The following SYNE1 variants were observed in gnomAD, a reference collection of about 807,000 sequenced individuals.
SYNE1 encodes the protein nesprin-1.
A neutral mutation model predicts 1,111.0 loss-of-function variants in SYNE1; 616 were observed. The observed-to-expected ratio is 0.55, with a 90% CI of 0.52 to 0.59. The LOEUF (loss-of-function observed/expected upper bound fraction) is 0.59, where lower values mean the gene tolerates loss of function less well. SYNE1 is among the 20% of genes least tolerant of loss of function. The probability of loss-of-function intolerance (pLI) is 0.00; values close to 1 mark genes in which losing one functional copy is unlikely to be tolerated. For missense variants in SYNE1, 10,006 were observed against 10,417.0 expected, an observed-to-expected ratio of 0.96 and a Z score of 1.72; for synonymous variants, 3,855 against 3,825.8, an observed-to-expected ratio of 1.01 and a Z score of -0.28.
chr6:152,484,847 T>C lies in SYNE1; in HGVS notation c.1173A>G (p.Arg391=). Residue 391 remains arginine (R), a synonymous_variant, in exon 13 of 146, where the codon AGA becomes AGG. Coordinates refer to ENST00000367255, the MANE Select transcript of SYNE1 (RefSeq NM_182961.4). The stretch of plus-strand genomic sequence containing the variant: ...TGGGAGAACTTACCCTGGAGGTCAC[T>C]CTATCCCAAGATTGTTTTACCAATG... ...DQALVKQSWD[R]VTSRLFDWHI... is the part of the protein sequence containing the mutation. 1 of 1,613,986 alleles carries C rather than the reference T, an allele frequency of 6.2e-7. No homozygotes were observed. Among genetic ancestry groups the C allele is most frequent in the African/African-American group, 1.3e-5 (1 of 75,062 alleles).
At chr6:152,157,835 T>C (rs1335287404) in intron 131 of SYNE1, among the ~76,000 whole-genome samples, 1 of 151,786 alleles carries the variant, frequency 6.6e-6, no homozygotes, top group Non-Finnish European at 1.5e-5. Flanking sequence ...CTCAGATCAC[T>C]GCAACCTCCT....
At chr6:152,476,771 A>C (rs1312008024) in intron 14 of SYNE1, among the ~76,000 whole-genome samples, 1 of 152,052 alleles carries the variant, frequency 6.6e-6, no homozygotes, top group Admixed American at 6.5e-5. Context: ...CGGGAGGCTA[A>C]GGTGGAAGGA....
At chr6:152,325,625 T>G (rs1590112227) in intron 80 of SYNE1, among the ~76,000 whole-genome samples, 1 of 152,316 alleles carries the variant, frequency 6.6e-6, no homozygotes, top group East Asian at 1.9e-4. Flanking sequence ...TATGTTACAT[T>G]TTTTCCTTAT....
chr6:152,366,346 C>T (rs2097078944), intron 62 of SYNE1, among the ~76,000 whole-genome samples: 1 of 151,556 alleles, frequency 6.6e-6, no homozygotes, highest in African/African-American at 2.4e-5. Context: ...TAAAACAAAA[C>T]AAAAACCAAA....
At chr6:152,624,287 A>G (rs552239528) in intron 3 of SYNE1, among the ~76,000 whole-genome samples, 1 of 152,182 alleles carries the variant, frequency 6.6e-6, no homozygotes, top group Non-Finnish European at 1.5e-5. Flanking sequence ...CCCATCCTAC[A>G]ATAACCAACA....
At position 152,353,665 on chromosome 6, in the gene SYNE1, C is replaced by T; in HGVS notation, c.11006G>A (p.Ser3669Asn). 1 of 1,614,190 alleles carries T rather than the reference C, an allele frequency of 6.2e-7. No homozygotes were observed. Among genetic ancestry groups the T allele is most frequent in the Non-Finnish European group, 8.5e-7 (1 of 1,180,052 alleles). Residue 3669 changes from serine to asparagine, a missense_variant, in exon 68 of 146, where the codon AGC (serine) becomes AAC (asparagine). Physicochemically the swap from Ser to Asn is conservative, Grantham distance 46. Coordinates refer to ENST00000367255, the MANE Select transcript of SYNE1 (RefSeq NM_182961.4). ...GARAQEILDE[S>N]HVNSRMGCQA... Reference sequence around the variant, plus strand: ...GCAACCCATTCTGCTGTTCACGTGGCTCTCGTCCAGTATCTCCTGAGCTCT... The same window carrying T: ...GCAACCCATTCTGCTGTTCACGTGGTTCTCGTCCAGTATCTCCTGAGCTCT...
At chr6:152,237,306 C>CTT (rs61142738) in intron 108 of SYNE1, among the ~76,000 whole-genome samples, 2 of 119,664 alleles carry the variant, frequency 1.7e-5, no homozygotes, top group Non-Finnish European at 3.4e-5. Flanking sequence ...TGGGTATGCA[C>CTT]TTTTTTTTTT....
In SYNE1 at chr6:152,262,197, A is replaced by G; in HGVS notation, c.18816-9T>C. On this transcript the variant is annotated splice_polypyrimidine_tract_variant and intron_variant, in intron 100 of 145. Transcript: ENST00000367255. ...ACACATCAGGTTTTTCGCTATTAGA[A>G]GAATAAATAATCTAAGTTTACAATG... 1 of 1,613,110 alleles carries G rather than the reference A, an allele frequency of 6.2e-7. No individual in the cohort carries two copies. Among genetic ancestry groups the G allele is most frequent in the Non-Finnish European group, 8.5e-7 (1 of 1,179,478 alleles).
intron 78 of SYNE1, among the ~76,000 whole-genome samples, chr6:152,327,879 T>C (rs1302902185): frequency 6.6e-6 from 1 of 152,192 alleles, no homozygotes; most frequent in African/African-American, 2.4e-5. Flanking sequence ...AGAAAAATAG[T>C]TTAAAATTTG....
At chr6:152,486,109 C>T (rs1017269564) in intron 12 of SYNE1, among the ~76,000 whole-genome samples, 25 of 152,036 alleles carry the variant, frequency 1.6e-4, no homozygotes, top group African/African-American at 5.5e-4. Flanking sequence ...GCAGGAGAAT[C>T]GCTTGAGCCT....
Position 152,310,732 on chromosome 6 carries a change from G to A in SYNE1, c.16852C>T (p.Gln5618Ter). Residue 5618 changes from glutamine (Q) to a stop codon, truncating the protein, a stop_gained, in exon 88 of 146, where the codon CAG becomes TAG. Transcript: ENST00000367255. LOFTEE classifies it high-confidence loss of function. Reference sequence around the variant, plus strand: ...TTCTGCAAACGAATTTTGATCATCTGTCGCAACTCCTCAGTCTCCCGTCCC... The same window carrying A: ...TTCTGCAAACGAATTTTGATCATCTATCGCAACTCCTCAGTCTCCCGTCCC... ...ELGRETEELR[Q>*]MIKIRLQNLQ... 1 of 1,612,908 alleles carries A rather than the reference G, an allele frequency of 6.2e-7. No individual in the cohort carries two copies. The highest frequency in any genetic ancestry group is 1.1e-5 in the South Asian group (1 of 91,032).
At chr6:152,627,490 T>A (rs1417469179) in intron 3 of SYNE1, among the ~76,000 whole-genome samples, 157 of 134,370 alleles carry the variant, frequency 1.2e-3, no homozygotes, top group Middle Eastern at 3.8e-3. Context: ...ATATCTCTAC[T>A]AAAAAAAAAA....
At chr6:152,411,709 T>TCA (rs778760518) in intron 42 of SYNE1, among the ~76,000 whole-genome samples, 42 of 122,348 alleles carry the variant, frequency 3.4e-4, no homozygotes, top group Non-Finnish European at 4.8e-4. Context: ...GCACTTAAAG[T>TCA]CACACACACA....
intron 87 of SYNE1, among the ~76,000 whole-genome samples, chr6:152,313,737 G>A (rs941608662): frequency 2.0e-5 from 3 of 152,030 alleles, no homozygotes; most frequent in Non-Finnish European, 2.9e-5. Flanking sequence ...GAACACAATG[G>A]CTTTTCTCAC....
In SYNE1 at chr6:152,321,301, T is replaced by G. The variant is rs1563045456; in HGVS notation, c.16173A>C (p.Ile5391=). ...QKEKYLGLYT[I]LPSELSLQLA... ...ACTGAAGGGAGAGTTCAGAAGGTAA[T>G]ATGGTATAAAGACCTAAGTACTTCT... The change falls in exon 84 of 146, where the codon ATA becomes ATC. Residue 5391 remains isoleucine, a synonymous_variant. Coordinates refer to ENST00000367255, the MANE Select transcript of SYNE1 (RefSeq NM_182961.4). 1 of 1,613,946 alleles carries G rather than the reference T, an allele frequency of 6.2e-7. No individual in the cohort carries two copies. Among genetic ancestry groups the G allele is most frequent in the Non-Finnish European group, 8.5e-7 (1 of 1,179,892 alleles).
intron 128 of SYNE1, among the ~76,000 whole-genome samples, chr6:152,185,047 T>G (rs780819071): frequency 2.0e-5 from 3 of 152,184 alleles, no homozygotes; most frequent in Non-Finnish European, 4.4e-5. Context: ...AAATACATCC[T>G]TTTCTGGTTG....
chr6:152,266,180 A>G (rs1014918366), intron 100 of SYNE1, among the ~76,000 whole-genome samples: 1 of 152,114 alleles, frequency 6.6e-6, no homozygotes, highest in South Asian at 2.1e-4. Flanking sequence ...TTATTTTTAA[A>G]ATATTTTTTA....
intron 107 of SYNE1, 148 bp from the exon 108 acceptor site, chr6:152,239,854 C>G: frequency 1.2e-6 from 1 of 822,530 alleles, no homozygotes; most frequent in Non-Finnish European, 2.0e-6. Context: ...AGGTCAAGAG[C>G]TCAAGACCAG....
At chr6:152,470,674 T>C (rs895844023) in intron 16 of SYNE1, among the ~76,000 whole-genome samples, 1 of 152,126 alleles carries the variant, frequency 6.6e-6, no homozygotes, top group African/African-American at 2.4e-5. Context: ...AGTGAAAATA[T>C]GGTTTCAATA....
Sources: allele counts gnomAD v4.1 joint callset (sites outside exome capture counted in the v4.1 genomes callset), GRCh38; gene constraint gnomAD v4.1.1; transcripts MANE v1.5; gene names NCBI Gene and HGNC (gene_info 2026-07-23, HGNC 2026-07-21).